Variants in TAFA1 observed in about 807,000 individuals in gnomAD.
TAFA1 encodes TAFA chemokine like family member 1, also known as chemokine-like protein TAFA-1.
In TAFA1, 4 loss-of-function variants were observed where a neutral mutation model predicts 18.5. The ratio of observed to expected loss-of-function variants is 0.22; its 90% CI spans 0.11 to 0.49. The LOEUF (loss-of-function observed/expected upper bound fraction) is 0.49. Among genes scored for constraint, TAFA1 ranks in the 20% least tolerant of loss-of-function variants. The probability of loss-of-function intolerance (pLI) is 0.98; values close to 1 mark genes in which losing one functional copy is unlikely to be tolerated. For missense variants in TAFA1, 147 were observed against 169.0 expected, an observed-to-expected ratio of 0.87 and a Z score of 0.72; for synonymous variants, 56 against 55.2, an observed-to-expected ratio of 1.01 and a Z score of -0.06.
chr3:68,422,952 CG>C (rs2070984057), intron 3 of TAFA1, among the ~76,000 whole-genome samples: 1 of 151,616 alleles, frequency 6.6e-6, no homozygotes, highest in Non-Finnish European at 1.5e-5. Context: ...AAGTTCTTCT[CG>C]GGGACTAAAA....
chr3:68,324,169 T>C (rs1333276666), intron 2 of TAFA1, among the ~76,000 whole-genome samples: 1 of 152,216 alleles, frequency 6.6e-6, no homozygotes, highest in African/African-American at 2.4e-5. Context: ...ATATAGACTT[T>C]TTTTCATAAA....
chr3:68,131,052 A>G (rs2065530241), intron 2 of TAFA1, among the ~76,000 whole-genome samples: 1 of 152,210 alleles, frequency 6.6e-6, no homozygotes, highest in Non-Finnish European at 1.5e-5. Context: ...TGGATAATGC[A>G]TGGCATATAG....
chr3:68,135,381 C>A (rs1052840119), intron 2 of TAFA1, among the ~76,000 whole-genome samples: 1 of 152,162 alleles, frequency 6.6e-6, no homozygotes, highest in African/African-American at 2.4e-5. Flanking sequence ...AGTGGTAGGG[C>A]AGGCACATGC....
intron 2 of TAFA1, among the ~76,000 whole-genome samples, chr3:68,257,031 C>T (rs1467236014): frequency 1.3e-5 from 2 of 152,108 alleles, no homozygotes; most frequent in African/African-American, 4.8e-5. Flanking sequence ...TGCCTCCTTT[C>T]CAGCTTCATC....
At chr3:68,083,896 A>G (rs1020216718) in intron 2 of TAFA1, among the ~76,000 whole-genome samples, 1 of 152,138 alleles carries the variant, frequency 6.6e-6, no homozygotes, top group African/African-American at 2.4e-5. Flanking sequence ...CCCGACCTGT[A>G]TATTACCACA....
At chr3:68,307,751 G>T (rs1265203776) in intron 2 of TAFA1, among the ~76,000 whole-genome samples, 1 of 152,170 alleles carries the variant, frequency 6.6e-6, no homozygotes, top group East Asian at 1.9e-4. Context: ...CATCTGGAGA[G>T]TTTAAGTATT....
At chr3:68,120,406 A>G (rs1332241515) in intron 2 of TAFA1, among the ~76,000 whole-genome samples, 2 of 151,812 alleles carry the variant, frequency 1.3e-5, no homozygotes, top group African/African-American at 4.8e-5. Context: ...ACAGCACTGC[A>G]CCTGGCTAAC....
chr3:68,359,312 C>T (rs564936866), intron 2 of TAFA1, among the ~76,000 whole-genome samples: 1 of 151,978 alleles, frequency 6.6e-6, no homozygotes, highest in African/African-American at 2.4e-5. Context: ...CCAATGATAC[C>T]CCCACAATCC....
intron 2 of TAFA1, among the ~76,000 whole-genome samples, chr3:68,377,003 G>C (rs190641736): frequency 3.0e-3 from 461 of 152,196 alleles, no homozygotes; most frequent in Non-Finnish European, 5.0e-3. Context: ...GTTCCTCTTT[G>C]CCTTCCACCA....
chr3:68,331,894 C>T (rs182958170), intron 2 of TAFA1, among the ~76,000 whole-genome samples: 3,100 of 108,984 alleles, frequency 0.028, 58 homozygotes, highest in East Asian at 0.13. Flanking sequence ...GACGGAGTCT[C>T]GCTCTTTCGC....
chr3:68,067,889 TATA>T (rs146147534), intron 2 of TAFA1, among the ~76,000 whole-genome samples: 6,078 of 152,006 alleles, frequency 0.04, 192 homozygotes, highest in East Asian at 0.073. Flanking sequence ...CATAAACAAT[TATA>T]ATAAGGAAAA....
At chr3:68,130,548 G>C (rs896074616) in intron 2 of TAFA1, among the ~76,000 whole-genome samples, 2 of 152,110 alleles carry the variant, frequency 1.3e-5, no homozygotes, top group Non-Finnish European at 2.9e-5. Context: ...ACAGCACTGT[G>C]CTCCCTTTCT....
At chr3:68,259,597 T>G (rs935210153) in intron 2 of TAFA1, among the ~76,000 whole-genome samples, 3 of 152,160 alleles carry the variant, frequency 2.0e-5, no homozygotes, top group Non-Finnish European at 2.9e-5. Flanking sequence ...TTTCTTTGTA[T>G]CCTCTTTTAT....
intron 2 of TAFA1, among the ~76,000 whole-genome samples, chr3:68,227,965 C>T (rs1415719576): frequency 6.6e-6 from 1 of 152,126 alleles, no homozygotes; most frequent in East Asian, 1.9e-4. Flanking sequence ...TTGGAAGCTG[C>T]CTTGTGGAGA....
intron 2 of TAFA1, among the ~76,000 whole-genome samples, chr3:68,216,972 A>G (rs1385735409): frequency 1.3e-5 from 2 of 152,130 alleles, no homozygotes; most frequent in Non-Finnish European, 2.9e-5. Flanking sequence ...GGAGAATTCC[A>G]AATAATTTAG....
At chr3:68,266,081 T>G (rs2067539455) in intron 2 of TAFA1, among the ~76,000 whole-genome samples, 1 of 152,170 alleles carries the variant, frequency 6.6e-6, no homozygotes, top group African/African-American at 2.4e-5. Context: ...ACATAAAATG[T>G]TCCCTTCATA....
chr3:68,356,149 GA>G (rs1436809025), intron 2 of TAFA1, among the ~76,000 whole-genome samples: 1 of 151,738 alleles, frequency 6.6e-6, no homozygotes, highest in East Asian at 1.9e-4. Context: ...ATTATAGAGG[GA>G]TGTCCTGCAC....
the TAFA1 span, among the ~76,000 whole-genome samples, chr3:67,993,490 A>G: frequency 1.7e-4 from 26 of 152,236 alleles, no homozygotes; most frequent in African/African-American, 5.5e-4. Context: ...ACAAAGTATT[A>G]TAATGTTATA....
intron 3 of TAFA1, among the ~76,000 whole-genome samples, chr3:68,497,222 G>A (rs538491159): frequency 6.6e-6 from 1 of 152,176 alleles, no homozygotes; most frequent in African/African-American, 2.4e-5. Flanking sequence ...TAAGGCAGTG[G>A]TTCTAAGAAT....
Sources: allele counts gnomAD v4.1 joint callset (sites outside exome capture counted in the v4.1 genomes callset), GRCh38; gene constraint gnomAD v4.1.1; transcripts MANE v1.5; gene names NCBI Gene and HGNC (gene_info 2026-07-23, HGNC 2026-07-21).